Variants in HS6ST2 observed in about 807,000 individuals in gnomAD.
HS6ST2 encodes heparan-sulfate 6-O-sulfotransferase 2.
HS6ST2 carries 17 observed loss-of-function variants against 33.0 expected under a neutral mutation model. The ratio of observed to expected loss-of-function variants is 0.52; its 90% confidence interval spans 0.35 to 0.77. The LOEUF (loss-of-function observed/expected upper bound fraction) is 0.77. HS6ST2 is among the 30% of genes least tolerant of loss of function. The pLI, the probability that HS6ST2 is intolerant of heterozygous loss-of-function variation, is 0.01. For synonymous variants in HS6ST2, 248 were observed against 237.1 expected, an observed-to-expected ratio of 1.05 and a Z score of -0.42; for missense variants, 519 against 551.7, an observed-to-expected ratio of 0.94 and a Z score of 0.59.
In HS6ST2 at chrX:132,637,841, T is replaced by TTATATATAA. The variant is rs2063564804; in HGVS notation, c.1068-8749_1068-8748insTTATATATA. Among the ~76,000 whole-genome samples, 9 of 41,944 alleles carry TTATATATAA rather than the reference T, an allele frequency of 2.1e-4. No homozygotes were observed. In the African/African-American group the frequency reaches 2.2e-3, roughly 10 times the overall value. The allele number at this position is 41,944 out of a possible 115,157, so 36.4% of individuals were successfully genotyped here. ...ATATATATAATATTATATATAATAT[T>TTATATATAA]TTATATATAATATATATATAATATA... On this transcript the variant is annotated intron_variant, in intron 4 of 4. Transcript: ENST00000370833.
intron 2 of HS6ST2, among the ~76,000 whole-genome samples, chrX:132,849,188 T>A (rs1306019257): frequency 8.9e-6 from 1 of 111,916 alleles, no homozygotes; most frequent in Non-Finnish European, 1.9e-5. Context: ...ATTGCAAAGA[T>A]AATTTTTGCT....
chrX:132,834,786 T>C, intron 2 of HS6ST2, among the ~76,000 whole-genome samples: 1 of 112,093 alleles, frequency 8.9e-6, no homozygotes, highest in South Asian at 3.7e-4. Context: ...GTGGTTGTAC[T>C]GAAAGGCAAA....
intron 2 of HS6ST2, among the ~76,000 whole-genome samples, chrX:132,709,211 G>T (rs1450537389): frequency 8.9e-6 from 1 of 112,359 alleles, no homozygotes; most frequent in Non-Finnish European, 1.9e-5. Flanking sequence ...AGACTGTGAA[G>T]TTATACACAG....
chrX:132,959,745 C>T (rs753326113), upstream of HS6ST2, among the ~76,000 whole-genome samples: 4 of 112,333 alleles, frequency 3.6e-5, no homozygotes, highest in East Asian at 1.1e-3. Context: ...TAAGATAGGA[C>T]CAATTATGTC....
chrX:132,799,203 T>C (rs979763165), intron 2 of HS6ST2, among the ~76,000 whole-genome samples: 2 of 110,478 alleles, frequency 1.8e-5, no homozygotes, highest in East Asian at 5.7e-4. Context: ...AATGCACTTA[T>C]CTGATTAAAA....
chrX:132,640,052 C>T (rs979717892), intron 4 of HS6ST2, among the ~76,000 whole-genome samples: 2 of 111,517 alleles, frequency 1.8e-5, no homozygotes, highest in African/African-American at 3.3e-5. Context: ...AGGTGAGGGG[C>T]TTGGCCTTGG....
chrX:132,715,942 G>A (rs1388450057), intron 2 of HS6ST2, among the ~76,000 whole-genome samples: 1 of 112,507 alleles, frequency 8.9e-6, no homozygotes, highest in Non-Finnish European at 1.9e-5. Context: ...GAGAAATAAT[G>A]CCTTATACCT....
chrX:132,918,070 A>G (rs185244274), intron 2 of HS6ST2, among the ~76,000 whole-genome samples: 11 of 112,735 alleles, frequency 9.8e-5, no homozygotes, highest in Admixed American at 9.4e-4. Context: ...TTCCCAGCTA[A>G]TAAACAGCAG....
At chrX:132,700,899 T>C (rs1466846220) in intron 3 of HS6ST2, among the ~76,000 whole-genome samples, 1 of 111,358 alleles carries the variant, frequency 9.0e-6, no homozygotes, top group East Asian at 2.8e-4. Context: ...CTCTATGCGA[T>C]CCTGTACTAT....
In HS6ST2 at chrX:132,750,347, G is replaced by GAAA. The variant is rs1156312851; in HGVS notation, c.948-41856_948-41854dup. Among the ~76,000 whole-genome samples the GAAA allele has an allele frequency of 5.6e-3, 316 of 56,303 alleles. 6 individuals are homozygous for GAAA. Among genetic ancestry groups the GAAA allele is most frequent in the Admixed American group, 0.011 (43 of 3,862 alleles). 48.9% of individuals were successfully genotyped at this position (56,303 alleles called of 115,157 possible). The stretch of plus-strand genomic sequence containing the variant: ...CCTAGAAGTGAAAGATGCCCATCAA[G>GAAA]AAAAAAAAAAAAAAAAAAAAGAGAT... On this transcript the variant is annotated intron_variant, in intron 2 of 4. Transcript: ENST00000370833.
intron 2 of HS6ST2, among the ~76,000 whole-genome samples, chrX:132,892,947 AAC>A (rs2066331625): frequency 8.9e-6 from 1 of 112,404 alleles, no homozygotes; most frequent in African/African-American, 3.2e-5. Context: ...ATGCTATATA[AAC>A]AGTTATTACA....
At chrX:132,944,534 T>C (rs1159979631) in intron 2 of HS6ST2, among the ~76,000 whole-genome samples, 3 of 110,489 alleles carry the variant, frequency 2.7e-5, no homozygotes, top group East Asian at 5.7e-4. Flanking sequence ...AAAAAAGAGC[T>C]CACATTGCCA....
At chrX:132,895,874 A>C (rs1354847216) in intron 2 of HS6ST2, among the ~76,000 whole-genome samples, 1 of 110,699 alleles carries the variant, frequency 9.0e-6, no homozygotes, top group Non-Finnish European at 1.9e-5. Context: ...TTTGATGAAA[A>C]CTGCAACTCA....
chrX:132,928,252 CA>C (rs931397498), intron 2 of HS6ST2, among the ~76,000 whole-genome samples: 3 of 109,963 alleles, frequency 2.7e-5, no homozygotes, highest in African/African-American at 1.0e-4. Flanking sequence ...GCTGGGATTA[CA>C]GGCACACACC....
intron 2 of HS6ST2, among the ~76,000 whole-genome samples, chrX:132,865,895 G>A (rs746567578): frequency 3.6e-5 from 4 of 111,554 alleles, no homozygotes; most frequent in Admixed American, 2.8e-4. Flanking sequence ...TGTCAGATGA[G>A]CAGGTTGCGA....
At chrX:132,714,153 G>C (rs867342871) in intron 2 of HS6ST2, among the ~76,000 whole-genome samples, 1 of 111,290 alleles carries the variant, frequency 9.0e-6, no homozygotes, top group Non-Finnish European at 1.9e-5. Context: ...GTAACAGAAA[G>C]AGGCCTGGAA....
intron 2 of HS6ST2, among the ~76,000 whole-genome samples, chrX:132,777,046 T>C (rs755379385): frequency 3.4e-4 from 36 of 104,928 alleles, no homozygotes; most frequent in South Asian, 9.3e-4. Context: ...GCCGTGGAAA[T>C]GTCTAGACAT....
At chrX:132,815,196 A>G (rs959347204) in intron 2 of HS6ST2, among the ~76,000 whole-genome samples, 23 of 112,607 alleles carry the variant, frequency 2.0e-4, no homozygotes, top group African/African-American at 7.1e-4. Flanking sequence ...TAAAACCTGA[A>G]GAACAAATAT....
intron 3 of HS6ST2, among the ~76,000 whole-genome samples, chrX:132,675,907 A>G (rs140772117): frequency 0.01 from 1,113 of 109,771 alleles, 6 homozygotes; most frequent in African/African-American, 0.035. Flanking sequence ...ACCCTCTCTT[A>G]GCATCCTTGG....
Sources: allele counts gnomAD v4.1 joint callset (sites outside exome capture counted in the v4.1 genomes callset), GRCh38; gene constraint gnomAD v4.1.1; transcripts MANE v1.5; gene names NCBI Gene and HGNC (gene_info 2026-07-23, HGNC 2026-07-21).